Variants in NASP observed in about 807,000 individuals in gnomAD.
The protein encoded by NASP is NASP histone chaperone.
NASP carries 24 observed loss-of-function variants against 89.5 expected under a neutral mutation model. The ratio of observed to expected loss-of-function variants is 0.27; its 90% CI spans 0.19 to 0.38. NASP has a LOEUF of 0.38. Ranked by LOEUF, NASP falls within the 10% of genes least tolerant of loss-of-function variation. NASP has a pLI of 1.00. For missense variants in NASP, 848 were observed against 921.4 expected, an observed-to-expected ratio of 0.92 and a Z score of 1.03; for synonymous variants, 306 against 324.7, an observed-to-expected ratio of 0.94 and a Z score of 0.62.
chr1:45,584,269 G>A, intron 1 of NASP, 64 bp downstream of exon 1: 2 of 1,471,068 alleles, frequency 1.4e-6, no homozygotes, highest in Admixed American at 2.0e-5. Flanking sequence ...ATGGACGGGG[G>A]CTCCGGAGAA....
chr1:45,607,143 C>T, intron 5 of NASP, 178 bp from the exon 6 acceptor site: 1 of 636,272 alleles, frequency 1.6e-6, no homozygotes, highest in Non-Finnish European at 2.7e-6. Context: ...CAGTAAGTTG[C>T]TCTGCTAGCC....
chr1:45,607,109 T>C (rs1023927858), intron 5 of NASP, among the ~76,000 whole-genome samples: 1 of 152,192 alleles, frequency 6.6e-6, no homozygotes, highest in South Asian at 2.1e-4. Flanking sequence ...CAATACCTAG[T>C]GTAACAAGCT....
chr1:45,589,998 G>A (rs114646271), intron 1 of NASP, among the ~76,000 whole-genome samples: 4,920 of 152,264 alleles, frequency 0.032, 103 homozygotes, highest in Non-Finnish European at 0.049. Flanking sequence ...TCAGAGCATG[G>A]TTCTAGAAAC....
intron 5 of NASP, among the ~76,000 whole-genome samples, chr1:45,606,984 A>G (rs1005473045): frequency 2.0e-5 from 3 of 152,170 alleles, no homozygotes; most frequent in Middle Eastern, 3.2e-3. Context: ...TATGTGTGCG[A>G]AAATTATATA....
chr1:45,595,133 GT>G (rs1643660928), intron 2 of NASP, among the ~76,000 whole-genome samples: 1 of 26,556 alleles, frequency 3.8e-5, no homozygotes, highest in African/African-American at 1.5e-4. Context: ...TAAGTTTTGT[GT>G]GTGTGTGTGT....
chr1:45,608,554 T>G (rs1264380024), intron 6 of NASP, among the ~76,000 whole-genome samples: 1 of 152,202 alleles, frequency 6.6e-6, no homozygotes, highest in African/African-American at 2.4e-5. Flanking sequence ...AAACTAACAC[T>G]TTTACTAACT....
intron 2 of NASP, among the ~76,000 whole-genome samples, chr1:45,592,185 A>G (rs768137820): frequency 6.6e-6 from 1 of 152,116 alleles, no homozygotes; most frequent in Non-Finnish European, 1.5e-5. Context: ...GGGTTTCACC[A>G]TGTTGGCCAG....
intron 3 of NASP, among the ~76,000 whole-genome samples, chr1:45,603,415 G>C (rs1643875418): frequency 6.6e-6 from 1 of 152,052 alleles, no homozygotes; most frequent in Non-Finnish European, 1.5e-5. Context: ...GTGGGTTTCA[G>C]GTTTGACGCT....
At chr1:45,601,484 G>T (rs1269338503) in intron 2 of NASP, among the ~76,000 whole-genome samples, 1 of 152,078 alleles carries the variant, frequency 6.6e-6, no homozygotes, top group Non-Finnish European at 1.5e-5. Flanking sequence ...AGTCATATAT[G>T]CATGGATCTG....
chr1:45,589,554 C>A (rs1236895192), intron 1 of NASP, among the ~76,000 whole-genome samples: 2 of 152,062 alleles, frequency 1.3e-5, no homozygotes, highest in African/African-American at 4.8e-5. Flanking sequence ...ACTATGAAGC[C>A]ATAGCTTCAT....
In NASP at chr1:45,584,150, G is replaced by C; in HGVS notation, c.4G>C (p.Ala2Pro). The C allele has an allele frequency of 6.3e-7, 1 of 1,594,676 alleles. No homozygotes were observed. Among genetic ancestry groups the C allele is most frequent in the Non-Finnish European group, 8.5e-7 (1 of 1,170,804 alleles). Residue 2 changes from alanine (A) to proline (P), a missense_variant, in exon 1 of 15, where the codon GCC becomes CCC. Ala to Pro is a conservative substitution (Grantham distance 27). Coordinates refer to ENST00000350030, the MANE Select transcript of NASP (RefSeq NM_002482.4). ...GGTTCGCCACCTCAGGGGAACGATG[G>C]CCATGGAGTCCACAGCCACTGCCGC... is the stretch of plus-strand genomic sequence containing the variant. M[A>P]MESTATAAVA...
chr1:45,605,689 T>G (rs1643898550), intron 4 of NASP: 1 of 152,122 alleles, frequency 6.6e-6, no homozygotes, highest in African/African-American at 2.4e-5. Context: ...CTCGAACTCC[T>G]GACCTCAGGT....
intron 6 of NASP, chr1:45,609,873 A>G (rs900213290): frequency 3.9e-5 from 6 of 152,188 alleles, no homozygotes; most frequent in African/African-American, 1.4e-4. Flanking sequence ...TGAAGAAGAC[A>G]GTGTTCATCC....
chr1:45,610,624 G>T, intron 6 of NASP: 1 of 152,268 alleles, frequency 6.6e-6, no homozygotes, highest in Non-Finnish European at 1.5e-5. Context: ...TTTGAATCGG[G>T]TCTTGCTCTT....
At chr1:45,598,468 C>T (rs751354339) in intron 2 of NASP, among the ~76,000 whole-genome samples, 35 of 152,144 alleles carry the variant, frequency 2.3e-4, no homozygotes, top group Non-Finnish European at 4.6e-4. Context: ...CCCATTCTTC[C>T]TTGTCGTCCC....
chr1:45,597,111 C>G (rs1291668001), intron 2 of NASP, among the ~76,000 whole-genome samples: 1 of 152,080 alleles, frequency 6.6e-6, no homozygotes, highest in Admixed American at 6.6e-5. Context: ...GAGTTTGAGA[C>G]CAGCCTGGCC....
At chr1:45,612,972 A>T in intron 6 of NASP, 197 bp from the exon 7 acceptor site, 2 of 635,024 alleles carry the variant, frequency 3.1e-6, no homozygotes, top group East Asian at 3.6e-5. Flanking sequence ...ATAGACTAAG[A>T]TTGCACATTC....
At chr1:45,600,584 T>C (rs771123286) in intron 2 of NASP, 6 of 582,482 alleles carry the variant, frequency 1.0e-5, no homozygotes, top group Non-Finnish European at 1.4e-5. Context: ...GATGTAGATA[T>C]ATCACAATTT....
intron 1 of NASP, among the ~76,000 whole-genome samples, chr1:45,590,963 A>T (rs1181233865): frequency 1.3e-5 from 2 of 152,220 alleles, no homozygotes; most frequent in Non-Finnish European, 2.9e-5. Flanking sequence ...TACAACCTGT[A>T]GCTGAAAGCA....
Sources: gnomAD v4.1 joint callset for allele counts (sites outside exome capture counted in the v4.1 genomes callset) on GRCh38, gnomAD v4.1.1 for gene constraint, MANE v1.5 for transcripts, NCBI Gene and HGNC (gene_info 2026-07-23, HGNC 2026-07-21) for gene names.